DNAH1: variants seen among roughly 807,000 people sequenced by gnomAD.
The protein encoded by DNAH1 is axonemal beta dynein heavy chain 1.
Under a neutral mutation model 484.3 loss-of-function variants are expected in DNAH1, and 327 were observed. The observed-to-expected ratio is 0.68, with a 90% confidence interval of 0.62 to 0.74. The LOEUF is 0.74. Among genes scored for constraint, DNAH1 ranks in the 30% least tolerant of loss-of-function variants. The pLI is 0.00. For missense variants in DNAH1, 5,052 were observed against 5,546.8 expected (o/e 0.91, Z 2.83); for synonymous variants, 2,192 against 2,191.9 (o/e 1.00, Z 0.00).
intron 44 of DNAH1, chr3:52,373,884 C>A: frequency 7.2e-7 from 1 of 1,394,260 alleles, no homozygotes; most frequent in Admixed American, 1.7e-5. Flanking sequence ...AATATTACCA[C>A]CTTCCTCCAA....
rs1333502533 is a variant in DNAH1, at chr3:52,355,031, G to C, written c.3669G>C (p.Trp1223Cys). 4 of 1,613,748 alleles carry C rather than the reference G, an allele frequency of 2.5e-6. No homozygotes were observed. Among genetic ancestry groups the C allele is most frequent in the Middle Eastern group, 1.6e-4 (1 of 6,062 alleles). ...KKPFEQRINS[W>C]ENKLKLTQEV... ...CCTTTGAGCAGCGCATCAACTCCTG[G>C]GAGAACAAACTGAAGCTGACCCAGG... Residue 1223 changes from tryptophan to cysteine, a missense_variant, in exon 21 of 78, where the codon TGG becomes TGC. Physicochemically the swap from Trp to Cys is radical, Grantham distance 215. Coordinates refer to ENST00000420323, the MANE Select transcript of DNAH1 (RefSeq NM_015512.5). This position sits in a 1 kb window ranked among gnomAD's most constrained non-coding sequence, Gnocchi z 4.5.
At position 52,394,989 on chromosome 3, in the gene DNAH1, G is replaced by A; in HGVS notation, c.10898G>A (p.Gly3633Glu). The A allele has an allele frequency of 6.2e-7, 1 of 1,612,716 alleles. No homozygotes were observed. The highest frequency in any genetic ancestry group is 8.5e-7 in the Non-Finnish European group (1 of 1,179,378). Residue 3633 changes from glycine to glutamate, a missense_variant, in exon 68 of 78, where the codon GGG becomes GAG. Coordinates refer to ENST00000420323, the MANE Select transcript of DNAH1 (RefSeq NM_015512.5). ...QKLLVLRCLR[G>E]DKVTNAMQDF... Reference sequence around the variant, plus strand: ...CTGCTAGTCCTCCGCTGCCTGCGTGGGGACAAGGTTACCAACGCCATGCAG... The same window carrying A: ...CTGCTAGTCCTCCGCTGCCTGCGTGAGGACAAGGTTACCAACGCCATGCAG...
intron 54 of DNAH1, among the ~76,000 whole-genome samples, 182 bp from the exon 55 acceptor site, chr3:52,385,978 G>T (rs1021057480): frequency 6.6e-6 from 1 of 152,206 alleles, no homozygotes; most frequent in African/African-American, 2.4e-5. Flanking sequence ...CAAGCCACAC[G>T]CCAGGCCCAT....
chr3:52,393,305 C>T (rs778478186), intron 65 of DNAH1, 29 bp from the exon 66 acceptor site: 39 of 1,611,634 alleles, frequency 2.4e-5, no homozygotes, highest in African/African-American at 4.0e-5. Flanking sequence ...CTCACCTCTC[C>T]GCGCTGCCAT....
At position 52,383,969 on chromosome 3, in the gene DNAH1, G is replaced by A; in HGVS notation, c.8260G>A (p.Ala2754Thr). ...GCCGGCAGAAGCCCTGAAGTCTGTGGCCACCGTGTTCCTCAATGAGATCCC... is the reference window on the plus strand; with the variant it reads ...GCCGGCAGAAGCCCTGAAGTCTGTGACCACCGTGTTCCTCAATGAGATCCC... ...EWPAEALKSV[A>T]TVFLNEIPEL... The change falls in exon 52 of 78, where the codon GCC becomes ACC. Residue 2754 changes from alanine to threonine, a missense_variant. Around this residue, in one of 4 missense-constraint regions of DNAH1, gnomAD observed 2,929 missense variants for 3,409.4 expected, o/e 0.86. Coordinates refer to ENST00000420323, the MANE Select transcript of DNAH1 (RefSeq NM_015512.5). The A allele has an allele frequency of 1.2e-6, 2 of 1,611,892 alleles. No individual in the cohort carries two copies. Among genetic ancestry groups the A allele is most frequent in the South Asian group, 2.2e-5 (2 of 90,600 alleles).
chr3:52,383,529 G>A lies in DNAH1; in HGVS notation c.8085G>A (p.Lys2695=), dbSNP rs773276457. Residue 2695 remains lysine, a synonymous_variant, in exon 51 of 78, where the codon AAG becomes AAA. Coordinates refer to ENST00000420323, the MANE Select transcript of DNAH1 (RefSeq NM_015512.5). ...AGGAGCAGGGCCTACAGCCCACCAA[G>A]GCCAACCTCATGGCTGCTTACACAG... is the stretch of plus-strand genomic sequence containing the variant. ...YIQEQGLQPT[K]ANLMAAYTGR... 22 of 1,613,088 alleles carry A rather than the reference G, an allele frequency of 1.4e-5. No individual in the cohort carries two copies. The highest frequency in any genetic ancestry group is 8.9e-5 in the East Asian group (4 of 44,876).
At position 52,361,127 on chromosome 3, in the gene DNAH1, A is replaced by G. The variant is rs368421362; in HGVS notation, c.4686-37A>G. ...CAAGGAAAGGGGGAGTGTCCAGGCC[A>G]TGTGCGGCCCGAGCCCACCTCCTCT... On this transcript the variant is annotated intron_variant, in intron 28 of 77. Transcript: ENST00000420323. The surrounding 1 kb of genome is among the most constrained non-coding windows in gnomAD (Gnocchi z 5.6). 1,635 of 1,489,686 alleles carry G rather than the reference A, an allele frequency of 1.1e-3. 12 individuals are homozygous for G. The highest frequency in any genetic ancestry group is 0.01 in the Middle Eastern group (56 of 5,570). 92.3% of individuals were successfully genotyped at this position (1,489,686 alleles called of 1,614,324 possible). A position where few individuals can be genotyped will look rare whatever the true frequency, so the allele number is the denominator to read the frequency against.
Position 52,372,339 on chromosome 3 carries a change from C to G in DNAH1, c.6779C>G (p.Thr2260Ser), listed in dbSNP as rs749638579. The G allele has an allele frequency of 1.8e-5, 29 of 1,613,884 alleles. No homozygotes were observed. Among genetic ancestry groups the G allele is most frequent in the Non-Finnish European group, 2.4e-5 (28 of 1,179,898 alleles). The change falls in exon 43 of 78, where the codon ACT becomes AGT. Residue 2260 changes from threonine to serine, a missense_variant. By Grantham distance (58) the Thr-to-Ser change is moderately conservative. This residue lies in a region of DNAH1 where 2,929 missense variants were observed against 3,409.4 expected (regional missense o/e 0.86). Coordinates refer to ENST00000420323, the MANE Select transcript of DNAH1 (RefSeq NM_015512.5). ...ISHFLTFSAR[T>S]SANQTQDFID... Reference sequence around the variant, plus strand: ...CACTTCCTCACCTTCTCAGCCCGCACTTCAGCCAACCAGACCCAGGACTTC... The same window carrying G: ...CACTTCCTCACCTTCTCAGCCCGCAGTTCAGCCAACCAGACCCAGGACTTC...
chr3:52,335,070 G>GAGTA (rs1393032551), intron 8 of DNAH1, among the ~76,000 whole-genome samples: 6 of 150,346 alleles, frequency 4.0e-5, no homozygotes, highest in African/African-American at 1.5e-4. Flanking sequence ...AAAGTGCTGG[G>GAGTA]ATTACAGGCA....
rs1307394853 is a variant in DNAH1 at position 52,355,313 on chromosome 3, G to A, written c.3693+258G>A. On this transcript the variant is annotated intron_variant, in intron 21 of 77. Transcript: ENST00000420323. The surrounding 1 kb of genome is among the most constrained non-coding windows in gnomAD (Gnocchi z 4.5). ...AGGGGCAGCATTTGGGTCCCAAAAT[G>A]TGGTTGAGGATAGGCCTGAGAACTG... Among the ~76,000 whole-genome samples, 2 of 152,214 alleles carry A rather than the reference G, an allele frequency of 1.3e-5. No individual in the cohort carries two copies. Among genetic ancestry groups the A allele is most frequent in the African/African-American group, 2.4e-5 (1 of 41,458 alleles).
chr3:52,364,873 C>G lies in DNAH1; in HGVS notation c.5372C>G (p.Pro1791Arg). 1 of 1,613,958 alleles carries G rather than the reference C, an allele frequency of 6.2e-7. No individual in the cohort carries two copies. The highest frequency in any genetic ancestry group is 8.5e-7 in the Non-Finnish European group (1 of 1,179,866). ...CGGGCCATCCGTGATGTGAACGTGC[C>G]CAAGTTCCTGCAGGAGGACCTCAAG... ...CLRAIRDVNV[P>R]KFLQEDLKLF... The change falls in exon 34 of 78, where the codon CCC becomes CGC. Residue 1791 changes from proline to arginine, a missense_variant. By Grantham distance (103) the Pro-to-Arg change is moderately radical. This residue lies in a region of DNAH1 where 2,929 missense variants were observed against 3,409.4 expected (regional missense o/e 0.86). Transcript: ENST00000420323. This position sits in a 1 kb window ranked among gnomAD's most constrained non-coding sequence, Gnocchi z 4.2.
chr3:52,347,585 G>A (rs1702195197), intron 11 of DNAH1, among the ~76,000 whole-genome samples: 1 of 152,170 alleles, frequency 6.6e-6, no homozygotes, highest in South Asian at 2.1e-4. Flanking sequence ...CACAGGGGTG[G>A]GGGGCCTCCC....
chr3:52,361,344 C>T lies in DNAH1; in HGVS notation c.4866C>T (p.Gly1622=), dbSNP rs1366841169. 6.3e-6 allele frequency: 10 copies of T among 1,585,050 alleles called. No homozygotes were observed. Among genetic ancestry groups the T allele is most frequent in the South Asian group, 1.2e-5 (1 of 86,928 alleles). ...DFMAMGKFFK[G]LASAGAWACF... ...TGGCCATGGGCAAGTTCTTCAAGGG[C>T]CTGGCCAGGTGAGGCTGGGCATGAG... The change falls in exon 29 of 78, where the codon GGC becomes GGT. Residue 1622 remains glycine (G), a synonymous_variant. Coordinates refer to ENST00000420323, the MANE Select transcript of DNAH1 (RefSeq NM_015512.5). This position sits in a 1 kb window ranked among gnomAD's most constrained non-coding sequence, Gnocchi z 5.6.
chr3:52,399,061 C>T lies in DNAH1; in HGVS notation c.12301C>T (p.Gln4101Ter). Reference protein sequence around the residue: ...MDLLQRLDFLQAWIQDGIPAV... With the variant: ...MDLLQRLDFL ...CCTGCTGCAACGCCTGGACTTTCTG[C>T]AGGCCTGGATCCAAGATGGCATCCC... The change falls in exon 76 of 78, where the codon CAG becomes TAG. Residue 4101 changes from glutamine (Q) to a stop codon, truncating the protein, a stop_gained. Transcript: ENST00000420323. LOFTEE classifies it high-confidence loss of function. The T allele has an allele frequency of 6.2e-7, 1 of 1,614,066 alleles. No individual in the cohort carries two copies. The highest frequency in any genetic ancestry group is 8.5e-7 in the Non-Finnish European group (1 of 1,179,904).
rs1288920874 is a variant in DNAH1, at chr3:52,381,688, A to C, written c.7657A>C (p.Thr2553Pro). 5 of 1,608,734 alleles carry C rather than the reference A, an allele frequency of 3.1e-6. No homozygotes were observed. The highest frequency in any genetic ancestry group is 4.2e-6 in the Non-Finnish European group (5 of 1,177,916). Residue 2553 changes from threonine (T) to proline (P), a missense_variant, in exon 49 of 78, where the codon ACG (threonine) becomes CCG (proline). Physicochemically the swap from Thr to Pro is conservative, Grantham distance 38. Coordinates refer to ENST00000420323, the MANE Select transcript of DNAH1 (RefSeq NM_015512.5). This position sits in a 1 kb window ranked among gnomAD's most constrained non-coding sequence, Gnocchi z 4.1. Reference sequence around the variant, plus strand: ...CATAGAGGACTACAACCAGATCAACACGGCCAAGCTGAAGCTGGTCCTCTT... The same window carrying C: ...CATAGAGGACTACAACCAGATCAACCCGGCCAAGCTGAAGCTGGTCCTCTT... ...EYIEDYNQIN[T>P]AKLKLVLFMD...
chr3:52,359,520 C>T (rs2076487243), intron 26 of DNAH1, 134 bp downstream of exon 26: 1 of 1,275,810 alleles, frequency 7.8e-7, no homozygotes, highest in Non-Finnish European at 1.1e-6. Context: ...GGAGGTCAGA[C>T]ACCCTTGAAG....
At chr3:52,388,716 C>T in intron 58 of DNAH1, 90 bp from the exon 59 acceptor site, 1 of 1,604,622 alleles carries the variant, frequency 6.2e-7, no homozygotes, top group Non-Finnish European at 8.5e-7. Flanking sequence ...CACCCCCTCC[C>T]TGGCAACCCC....
chr3:52,393,310 T>C lies in DNAH1; in HGVS notation c.10475-24T>C, dbSNP rs1704478770. 2.5e-6 allele frequency: 4 copies of C among 1,611,932 alleles called. No homozygotes were observed. In the East Asian group the frequency reaches 8.9e-5, roughly 36 times the overall value. Reference sequence around the variant, plus strand: ...CTTCCTTCCTCTCACCTCTCCGCGCTGCCATCACTTCTCCACTCCACAGAC... The same window carrying C: ...CTTCCTTCCTCTCACCTCTCCGCGCCGCCATCACTTCTCCACTCCACAGAC... On this transcript the variant is annotated intron_variant, in intron 65 of 77. Coordinates refer to ENST00000420323, the MANE Select transcript of DNAH1 (RefSeq NM_015512.5).
At chr3:52,365,450 G>A (rs556758623) in intron 34 of DNAH1, among the ~76,000 whole-genome samples, 38 of 152,238 alleles carry the variant, frequency 2.5e-4, no homozygotes, top group Non-Finnish European at 4.6e-4. Context: ...GTTCCTTGTT[G>A]AGTGACACCC....
Sources: allele counts gnomAD v4.1 joint callset (sites outside exome capture counted in the v4.1 genomes callset), GRCh38; gene constraint gnomAD v4.1.1; regional missense constraint gnomAD v4.1.1; non-coding constraint Gnocchi (gnomAD v3.1); transcripts MANE v1.5; gene names NCBI Gene and HGNC (gene_info 2026-07-23, HGNC 2026-07-21).